The following ATP13A5 variants were observed in gnomAD, a reference collection of about 807,000 sequenced individuals.
ATP13A5 encodes the protein probable cation-transporting ATPase 13A5.
A neutral mutation model predicts 150.2 loss-of-function variants in ATP13A5; 149 were observed. The ratio of observed to expected loss-of-function variants is 0.99; its 90% CI spans 0.87 to 1.14. ATP13A5 has a LOEUF of 1.14. Ranked by LOEUF, ATP13A5 falls within the 50% of genes most tolerant of loss-of-function variation. The pLI is 0.00. For missense variants in ATP13A5, 1,383 were observed against 1,449.3 expected (o/e 0.95, Z 0.74); for synonymous variants, 497 against 522.2 (o/e 0.95, Z 0.66).
At chr3:193,276,363 T>C (rs902596526) in intron 29 of ATP13A5, among the ~76,000 whole-genome samples, 1 of 152,202 alleles carries the variant, frequency 6.6e-6, no homozygotes, top group African/African-American at 2.4e-5. Flanking sequence ...TTCTCCTCTT[T>C]CTTATGGAAA....
chr3:193,307,417 G>A, intron 21 of ATP13A5, 48 bp from the exon 22 acceptor site: 1 of 1,600,084 alleles, frequency 6.2e-7, no homozygotes, highest in Admixed American at 1.7e-5. Context: ...AAAATGAACA[G>A]CTCACTTGAA....
intron 1 of ATP13A5, among the ~76,000 whole-genome samples, chr3:193,369,422 A>G (rs2108584024): frequency 6.6e-6 from 1 of 152,258 alleles, no homozygotes; most frequent in Non-Finnish European, 1.5e-5. Flanking sequence ...AATTTGAGAT[A>G]AGATTTGGGT....
chr3:193,298,279 C>T (rs749675273), intron 25 of ATP13A5, among the ~76,000 whole-genome samples: 6 of 152,018 alleles, frequency 3.9e-5, no homozygotes, highest in Non-Finnish European at 8.8e-5. Flanking sequence ...CAAAATTATT[C>T]AGTCATATGA....
Position 193,326,995 on chromosome 3 carries a change from C to T in ATP13A5, c.1523+1G>A. On this transcript the variant is annotated splice_donor_variant, in intron 13 of 29. Transcript: ENST00000342358. LOFTEE classifies it high-confidence loss of function. The stretch of plus-strand genomic sequence containing the variant: ...CTTCCATTTTCACATAAGAGGCCTA[C>T]CAGTTGTCAGCAGTAGGGACAGTCC... 3 of 1,613,824 alleles carry T rather than the reference C, an allele frequency of 1.9e-6. No homozygotes were observed. The highest frequency in any genetic ancestry group is 2.5e-6 in the Non-Finnish European group (3 of 1,179,796).
At chr3:193,337,419 G>A (rs1395957807) in intron 9 of ATP13A5, among the ~76,000 whole-genome samples, 1 of 152,154 alleles carries the variant, frequency 6.6e-6, no homozygotes, top group African/African-American at 2.4e-5. Context: ...TTTGTATAAG[G>A]TGTAAGGAAG....
intron 26 of ATP13A5, among the ~76,000 whole-genome samples, chr3:193,289,260 G>A (rs1717848943): frequency 6.6e-6 from 1 of 152,082 alleles, no homozygotes; most frequent in Non-Finnish European, 1.5e-5. Flanking sequence ...AAACATTAAA[G>A]CCCAGGGAGG....
At chr3:193,286,298 CT>C (rs1400739827) in intron 26 of ATP13A5, among the ~76,000 whole-genome samples, 2 of 151,692 alleles carry the variant, frequency 1.3e-5, no homozygotes, top group African/African-American at 4.8e-5. Context: ...TCTAGAAATG[CT>C]TTTTGCACAT....
intron 6 of ATP13A5, among the ~76,000 whole-genome samples, chr3:193,352,498 T>C (rs537388025): frequency 6.6e-6 from 1 of 152,158 alleles, no homozygotes; most frequent in African/African-American, 2.4e-5. Context: ...ACTTGGTTTT[T>C]TTTTTCTTTC....
chr3:193,285,168 T>G, intron 26 of ATP13A5, 52 bp from the exon 27 acceptor site: 1 of 1,474,232 alleles, frequency 6.8e-7, no homozygotes, highest in Non-Finnish European at 9.3e-7. Context: ...TTTTTGTCCA[T>G]TAGGTGAAAA....
chr3:193,313,882 C>A, intron 19 of ATP13A5, 151 bp downstream of exon 19: 2 of 874,994 alleles, frequency 2.3e-6, no homozygotes, highest in Non-Finnish European at 3.4e-6. Context: ...GCAACCAGAG[C>A]TGGCAGAAAT....
intron 17 of ATP13A5, 134 bp downstream of exon 17, chr3:193,318,857 C>T: frequency 1.5e-6 from 1 of 657,934 alleles, no homozygotes; most frequent in Non-Finnish European, 2.7e-6. Context: ...ATCTCTGAGT[C>T]AGGGGACTGT....
chr3:193,342,042 C>T lies in ATP13A5; in HGVS notation c.943+1885G>A, dbSNP rs78465983. ...AATTCTGATCCTTTCACTTGCTAGC[C>T]GAGCAGCTCTGGTCTTTTTACCTCA... is the stretch of plus-strand genomic sequence containing the variant. On this transcript the variant is annotated intron_variant, in intron 9 of 29. Transcript: ENST00000342358. Among the ~76,000 whole-genome samples, 1,046 of 152,212 alleles carry T rather than the reference C, an allele frequency of 6.9e-3. 10 individuals are homozygous for T. Among genetic ancestry groups the T allele is most frequent in the African/African-American group, 0.024 (981 of 41,512 alleles).
At chr3:193,313,570 T>G (rs1718934239) in intron 19 of ATP13A5, 1 of 156,982 alleles carries the variant, frequency 6.4e-6, no homozygotes, top group Non-Finnish European at 1.4e-5. Context: ...TGGATCTGTG[T>G]GGAATCAAAT....
intron 25 of ATP13A5, among the ~76,000 whole-genome samples, chr3:193,292,199 C>T (rs1160747911): frequency 4.6e-5 from 7 of 152,096 alleles, no homozygotes; most frequent in Non-Finnish European, 1.5e-5. Context: ...AGGAGAAGTG[C>T]AAGGAAATTG....
At chr3:193,348,670 C>G (rs1712446620) in intron 7 of ATP13A5, among the ~76,000 whole-genome samples, 1 of 152,184 alleles carries the variant, frequency 6.6e-6, no homozygotes, top group African/African-American at 2.4e-5. Context: ...CACTTACTCT[C>G]TTACAATTTT....
chr3:193,314,115 T>G lies in ATP13A5; in HGVS notation c.2237A>C (p.Glu746Ala), dbSNP rs753393565. The G allele has an allele frequency of 3.1e-6, 5 of 1,613,988 alleles. No homozygotes were observed. In the Admixed American group the frequency reaches 6.7e-5, roughly 22 times the overall value. Residue 746 changes from glutamate to alanine, a missense_variant, in exon 19 of 30, where the codon GAG becomes GCG. By Grantham distance (107) the Glu-to-Ala change is moderately radical. Coordinates refer to ENST00000342358, the MANE Select transcript of ATP13A5 (RefSeq NM_198505.4). ...AACAAATTCTTCTGGTTCATCGGCC[T>G]CAACAATGATCACTTGGCTGCCTGG... ...IPPGSQVIIV[E>A]ADEPEEFVPA...
chr3:193,352,885 G>A (rs6784067), intron 6 of ATP13A5, among the ~76,000 whole-genome samples: 82,197 of 151,690 alleles, frequency 0.54, 22,491 homozygotes, highest in African/African-American at 0.61. Flanking sequence ...CCATTGAGTG[G>A]GGGCTCACAT....
intron 1 of ATP13A5, among the ~76,000 whole-genome samples, chr3:193,375,456 A>T (rs961050192): frequency 1.3e-5 from 2 of 152,126 alleles, no homozygotes; most frequent in African/African-American, 4.8e-5. Flanking sequence ...AGACCTCTGG[A>T]GAAGACAAGA....
chr3:193,275,318 G>C lies in ATP13A5; in HGVS notation c.3397-16C>G, dbSNP rs545905011. On this transcript the variant is annotated splice_polypyrimidine_tract_variant and intron_variant, in intron 29 of 29. Coordinates refer to ENST00000342358, the MANE Select transcript of ATP13A5 (RefSeq NM_198505.4). ...GGATGGAATCCTGAAAAATCAGATG[G>C]GAAAACAATCAATTTATTGCGCAGG... is the stretch of plus-strand genomic sequence containing the variant. The C allele has an allele frequency of 3.1e-6, 5 of 1,610,390 alleles. No individual in the cohort carries two copies. Among genetic ancestry groups the C allele is most frequent in the Non-Finnish European group, 4.2e-6 (5 of 1,179,358 alleles).
Sources: gnomAD v4.1 joint callset for allele counts (sites outside exome capture counted in the v4.1 genomes callset) on GRCh38, gnomAD v4.1.1 for gene constraint, MANE v1.5 for transcripts, NCBI Gene and HGNC (gene_info 2026-07-23, HGNC 2026-07-21) for gene names.